Variants in SCRIB observed in about 807,000 individuals in gnomAD.
SCRIB encodes scribble planar cell polarity protein.
A neutral mutation model predicts 170.0 loss-of-function variants in SCRIB; 72 were observed. That is an observed-to-expected ratio of 0.42 (90% CI 0.35 to 0.52). The LOEUF (loss-of-function observed/expected upper bound fraction) is 0.52. Among genes scored for constraint, SCRIB ranks in the 20% least tolerant of loss-of-function variants. The pLI, the probability that SCRIB is intolerant of heterozygous loss-of-function variation, is 0.02. For missense variants in SCRIB, 2,475 were observed against 2,338.5 expected, an observed-to-expected ratio of 1.06 and a Z score of -1.20; for synonymous variants, 1,298 against 1,044.3, an observed-to-expected ratio of 1.24 and a Z score of -4.68.
rs1677652188 is a variant in SCRIB at position 143,815,572 on chromosome 8, A to G, written c.-200T>C. The G allele has an allele frequency of 1.0e-6, 1 of 978,450 alleles. No homozygotes were observed. Among genetic ancestry groups the G allele is most frequent in the Non-Finnish European group, 1.2e-6 (1 of 827,322 alleles). The allele number at this position is 978,450 out of a possible 1,614,324, so 60.6% of individuals were successfully genotyped here. A position where few individuals can be genotyped will look rare whatever the true frequency, so the allele number is the denominator to read the frequency against. Reference sequence around the variant, plus strand: ...GAACGCTCGGACTGCGGGCCTGGGCAGGGGGCGCGGCCCGGCGGGTCTCAG... The same window carrying G: ...GAACGCTCGGACTGCGGGCCTGGGCGGGGGGCGCGGCCCGGCGGGTCTCAG... On this transcript the variant is annotated 5_prime_UTR_variant, in exon 1 of 37. Transcript: ENST00000356994.
At chr8:143,799,682 G>A (rs1242580348) in intron 24 of SCRIB, among the ~76,000 whole-genome samples, 2 of 152,232 alleles carry the variant, frequency 1.3e-5, no homozygotes, top group South Asian at 2.1e-4. Flanking sequence ...AGGAGACTGA[G>A]GAGTAAAGTC....
Position 143,805,209 on chromosome 8 carries a change from C to A in SCRIB, c.2573G>T (p.Arg858Leu). 1 of 1,556,834 alleles carries A rather than the reference C, an allele frequency of 6.4e-7. No homozygotes were observed. The highest frequency in any genetic ancestry group is 1.2e-5 in the South Asian group (1 of 84,618). ...LLPPESPGPL[R>L]QRHVACLARS... ...TGCCAGGCAGGCCACGTGGCGCTGA[C>A]GGAGGGGCCCGGGGCTCTCAGGCGG... Residue 858 changes from arginine to leucine, a missense_variant, in exon 19 of 37, where the codon CGT becomes CTT. Physicochemically the swap from Arg to Leu is moderately radical, Grantham distance 102. Around this residue, in one of 3 missense-constraint regions of SCRIB, gnomAD observed 1,966 missense variants for 1,742.9 expected, o/e 1.13. Coordinates refer to ENST00000356994, the MANE Select transcript of SCRIB (RefSeq NM_182706.5).
At chr8:143,801,424 T>A (rs1009035344) in intron 24 of SCRIB, among the ~76,000 whole-genome samples, 44 of 152,170 alleles carry the variant, frequency 2.9e-4, no homozygotes, top group African/African-American at 9.7e-4. Context: ...ATGACAATGT[T>A]TTTGTAATCT....
At position 143,815,199 on chromosome 8, in the gene SCRIB, C is replaced by T; in HGVS notation, c.159+15G>A. 1.3e-6 allele frequency: 2 copies of T among 1,554,640 alleles called. No homozygotes were observed. The highest frequency in any genetic ancestry group is 8.6e-7 in the Non-Finnish European group (1 of 1,157,028). On this transcript the variant is annotated intron_variant, in intron 1 of 36. Coordinates refer to ENST00000356994, the MANE Select transcript of SCRIB (RefSeq NM_182706.5). ...GGGGCGCGCCTTTGGGCGGCAGGTG[C>T]GGGCGGCCGCTCACCTTGGGCAGCT...
intron 1 of SCRIB, 100 bp downstream of exon 1, chr8:143,815,114 C>A (rs1314348250): frequency 5.2e-6 from 7 of 1,336,242 alleles, no homozygotes; most frequent in Non-Finnish European, 6.9e-6. Flanking sequence ...CCAGCAGGGC[C>A]GGCTGGAGGC....
intron 34 of SCRIB, 58 bp downstream of exon 34, chr8:143,791,818 C>A: frequency 1.3e-6 from 2 of 1,505,722 alleles, no homozygotes; most frequent in East Asian, 4.8e-5. Flanking sequence ...TGGGGGCAGG[C>A]CAGACCCCAC....
intron 14 of SCRIB, 73 bp downstream of exon 14, chr8:143,809,478 G>C: frequency 6.6e-7 from 1 of 1,523,300 alleles, no homozygotes; most frequent in Non-Finnish European, 8.9e-7. Flanking sequence ...ACCGATCCCA[G>C]CTGAGGCCCC....
At chr8:143,813,172 C>T (rs1166704604) in intron 6 of SCRIB, 68 bp from the exon 7 acceptor site, 1 of 1,587,992 alleles carries the variant, frequency 6.3e-7, no homozygotes, top group Non-Finnish European at 8.6e-7. Flanking sequence ...GCTCAAGAGA[C>T]TATACGCCCC....
rs1815608038 is a variant in SCRIB at position 143,809,560 on chromosome 8, G to A, written c.1689C>T (p.Asp563=). The change falls in exon 14 of 37, where the codon GAC becomes GAT. Residue 563 remains aspartate (D), a synonymous_variant. Coordinates refer to ENST00000356994, the MANE Select transcript of SCRIB (RefSeq NM_182706.5). ...TAGGEEDAEE[D]YQEPTVHFAE... is the part of the protein sequence containing the mutation. ...TCCTGCCAATCCACACCTCCTGGTA[G>A]TCCTCTTCGGCGTCTTCCTCCCCGC... 1.2e-6 allele frequency: 2 copies of A among 1,610,884 alleles called. No individual in the cohort carries two copies. Among genetic ancestry groups the A allele is most frequent in the Non-Finnish European group, 1.7e-6 (2 of 1,179,538 alleles).
chr8:143,791,755 G>GT lies in SCRIB; in HGVS notation c.4696-16dup, dbSNP rs782449541. ...CCAGACAAGGGCTTGAAAGGACAGC[G>GT]TGAGGGGAGAGGCAGAGAGTGAGAG... On this transcript the variant is annotated splice_polypyrimidine_tract_variant and intron_variant, in intron 34 of 36. Transcript: ENST00000356994. The GT allele has an allele frequency of 1.9e-6, 3 of 1,588,534 alleles. No homozygotes were observed. Among genetic ancestry groups the GT allele is most frequent in the African/African-American group, 1.3e-5 (1 of 74,300 alleles).
chr8:143,795,101 C>G lies in SCRIB; in HGVS notation c.3783G>C (p.Leu1261=). The G allele has an allele frequency of 1.2e-6, 2 of 1,611,116 alleles. No individual in the cohort carries two copies. Among genetic ancestry groups the G allele is most frequent in the Non-Finnish European group, 1.7e-6 (2 of 1,179,072 alleles). ...PEATEAAGRG[L]QPLKLDYRAL... Reference sequence around the variant, plus strand: ...CGCGGTAGTCCAGCTTCAGGGGCTGCAGACCCCGACCCTGGGGGCAGAGTG... The same window carrying G: ...CGCGGTAGTCCAGCTTCAGGGGCTGGAGACCCCGACCCTGGGGGCAGAGTG... The change falls in exon 27 of 37, where the codon CTG becomes CTC. Residue 1261 remains leucine, a synonymous_variant. Transcript: ENST00000356994.
chr8:143,803,831 G>C lies in SCRIB; in HGVS notation c.3230C>G (p.Ala1077Gly), dbSNP rs1554635596. 6.2e-7 allele frequency: 1 copy of C among 1,603,862 alleles called. No homozygotes were observed. The change falls in exon 23 of 37, where the codon GCC (alanine) becomes GGC (glycine). Residue 1077 changes from alanine (A) to glycine (G), a missense_variant. Ala to Gly is a moderately conservative substitution (Grantham distance 60). Around this residue, in one of 3 missense-constraint regions of SCRIB, gnomAD observed 1,966 missense variants for 1,742.9 expected, o/e 1.13. Coordinates refer to ENST00000356994, the MANE Select transcript of SCRIB (RefSeq NM_182706.5). Reference sequence around the variant, plus strand: ...CAGCTCCAGGCAGGGCCGGAGCAGGGCACTGACTGCTTCTTGGTGCGTGGC... The same window carrying C: ...CAGCTCCAGGCAGGGCCGGAGCAGGCCACTGACTGCTTCTTGGTGCGTGGC... ...RDATHQEAVSALLRPCLELSL... is the reference protein window; with the variant it reads ...RDATHQEAVSGLLRPCLELSL...
Position 143,795,331 on chromosome 8 carries a change from C to T in SCRIB, c.3717G>A (p.Glu1239=). ...RELSPEGPGK[E]KELPGQTLHW... is the part of the protein sequence containing the mutation. ...GCAGGGTCTGTCCAGGCAGCTCCTT[C>T]TCCTGTGAGCAGAGCAGAGCAGACC... Residue 1239 remains glutamate, a splice_region_variant and synonymous_variant, in exon 26 of 37, where the codon GAG becomes GAA. Coordinates refer to ENST00000356994, the MANE Select transcript of SCRIB (RefSeq NM_182706.5). 6.2e-7 allele frequency: 1 copy of T among 1,612,652 alleles called. No homozygotes were observed. The highest frequency in any genetic ancestry group is 8.5e-7 in the Non-Finnish European group (1 of 1,179,862).
In SCRIB at chr8:143,791,503, G is replaced by A. The variant is rs373434132; in HGVS notation, c.4771-63C>T. The A allele has an allele frequency of 3.2e-4, 511 of 1,595,188 alleles. 2 individuals carry two copies. The African/African-American group carries it at 5.8e-3, about 18-fold the overall frequency. The stretch of plus-strand genomic sequence containing the variant: ...CCTGCCCCAAACCACCCAGGTGGAC[G>A]GGTGGGCTCCCAGCCCTGAGGCCCA... On this transcript the variant is annotated intron_variant, in intron 35 of 36. Transcript: ENST00000356994.
intron 24 of SCRIB, 89 bp downstream of exon 24, chr8:143,803,293 AC>A: frequency 7.9e-7 from 1 of 1,260,512 alleles, no homozygotes; most frequent in Non-Finnish European, 1.1e-6. Context: ...GGCACAGGGG[AC>A]CCGTCGCCTG....
Position 143,805,208 on chromosome 8 carries a change from A to G in SCRIB, c.2574T>C (p.Arg858=). 6.4e-7 allele frequency: 1 copy of G among 1,564,174 alleles called. No individual in the cohort carries two copies. Among genetic ancestry groups the G allele is most frequent in the Non-Finnish European group, 8.6e-7 (1 of 1,158,590 alleles). The part of the protein sequence containing the change: ...LLPPESPGPL[R]QRHVACLARS... The stretch of plus-strand genomic sequence containing the variant: ...GTGCCAGGCAGGCCACGTGGCGCTG[A>G]CGGAGGGGCCCGGGGCTCTCAGGCG... Residue 858 remains arginine, a synonymous_variant, in exon 19 of 37, where the codon CGT becomes CGC. Transcript: ENST00000356994.
At chr8:143,804,243 T>C in intron 21 of SCRIB, 87 bp from the exon 22 acceptor site, 1 of 1,031,524 alleles carries the variant, frequency 9.7e-7, no homozygotes, top group Non-Finnish European at 1.4e-6. Context: ...TCCCGGTCCT[T>C]GGGGATGGCG....
chr8:143,813,918 G>C (rs754246664), intron 2 of SCRIB, 22 bp from the exon 3 acceptor site: 14 of 1,604,654 alleles, frequency 8.7e-6, no homozygotes, highest in Non-Finnish European at 1.2e-5. Flanking sequence ...GGTCACAGTG[G>C]ACAGATGCCA....
intron 24 of SCRIB, among the ~76,000 whole-genome samples, chr8:143,796,892 G>A (rs1047425104): frequency 2.6e-5 from 4 of 152,160 alleles, no homozygotes; most frequent in Non-Finnish European, 4.4e-5. Flanking sequence ...AGGCAGACCC[G>A]GGTGCTGACT....
Sources: allele counts gnomAD v4.1 joint callset (sites outside exome capture counted in the v4.1 genomes callset), GRCh38; gene constraint gnomAD v4.1.1; regional missense constraint gnomAD v4.1.1; transcripts MANE v1.5; gene names NCBI Gene and HGNC (gene_info 2026-07-23, HGNC 2026-07-21).